ZXDC: variants seen among roughly 807,000 people sequenced by gnomAD.
ZXDC encodes the protein ZXD family zinc finger C.
ZXDC carries 58 observed loss-of-function variants against 63.6 expected under a neutral mutation model. The observed-to-expected ratio is 0.91, with a 90% confidence interval of 0.74 to 1.13. The LOEUF (loss-of-function observed/expected upper bound fraction) is 1.13. Ranked by LOEUF, ZXDC falls within the 50% of genes most tolerant of loss-of-function variation. The pLI, the probability that ZXDC is intolerant of heterozygous loss-of-function variation, is 0.00. For synonymous variants in ZXDC, 561 were observed against 496.1 expected (o/e 1.13, Z -1.74); for missense variants, 1,133 against 1,148.9 (o/e 0.99, Z 0.20).
rs201491245 is a variant in ZXDC at position 126,475,163 on chromosome 3, G to A, written c.703C>T (p.Leu235=). The change falls in exon 1 of 10, where the codon CTG becomes TTG. Residue 235 remains leucine, a synonymous_variant. Transcript: ENST00000389709. ...LKRHLQSHDK[L]RPFGCPVGGC... ...CCCACTGGACAGCCGAAGGGCCGCA[G>A]CTTGTCGTGCGACTGCAGGTGCCGC... The A allele has an allele frequency of 1.2e-6, 2 of 1,604,180 alleles. No homozygotes were observed. Among genetic ancestry groups the A allele is most frequent in the Non-Finnish European group, 1.7e-6 (2 of 1,175,450 alleles).
At chr3:126,457,645 T>A (rs1204890408) in intron 7 of ZXDC, 2 of 985,298 alleles carry the variant, frequency 2.0e-6, no homozygotes, top group Non-Finnish European at 2.4e-6. Context: ...GATTCAAACA[T>A]CATGAACTGC....
At chr3:126,460,207 T>C (rs145476584) in intron 6 of ZXDC, 1 of 915,130 alleles carries the variant, frequency 1.1e-6, no homozygotes, top group Non-Finnish European at 1.3e-6. Flanking sequence ...GTCAAAGTCT[T>C]ACACAAAAAT....
In ZXDC at chr3:126,475,233, T is replaced by C. The variant is rs812367; in HGVS notation, c.633A>G (p.Pro211=). ...TGAAGGCCCAACCACAGCCCTCCAGTGGGCACTTGAAGGGCCGCCGGCCCT... is the reference window on the plus strand; with the variant it reads ...TGAAGGCCCAACCACAGCCCTCCAGCGGGCACTTGAAGGGCCGCCGGCCCT... ...GGQGRRPFKC[P]LEGCGWAFTT... Residue 211 remains proline (P), a synonymous_variant, in exon 1 of 10, where the codon CCA becomes CCG. Coordinates refer to ENST00000389709, the MANE Select transcript of ZXDC (RefSeq NM_025112.5). 1,038,183 of 1,566,244 alleles carry C rather than the reference T, an allele frequency of 0.66. 349,885 individuals carry two copies. Among genetic ancestry groups the C allele is most frequent in the South Asian group, 0.75 (64,035 of 85,656 alleles).
intron 4 of ZXDC, among the ~76,000 whole-genome samples, chr3:126,469,499 C>T (rs1478135505): frequency 1.3e-5 from 2 of 152,172 alleles, no homozygotes; most frequent in Non-Finnish European, 2.9e-5. Flanking sequence ...CTATTGATGC[C>T]CCTTTCTCTT....
intron 5 of ZXDC, among the ~76,000 whole-genome samples, chr3:126,465,139 GAC>G (rs1415319279): frequency 6.6e-6 from 1 of 152,222 alleles, no homozygotes; most frequent in Admixed American, 6.5e-5. Context: ...CCCAGTTGGT[GAC>G]ACACACAGCC....
chr3:126,474,093 C>A (rs1165688901), intron 1 of ZXDC, among the ~76,000 whole-genome samples: 1 of 140,504 alleles, frequency 7.1e-6, no homozygotes, highest in East Asian at 2.1e-4. Context: ...GAGACGGTGT[C>A]TCGCTCTGTC....
At chr3:126,466,397 A>T in intron 4 of ZXDC, 72 bp from the exon 5 acceptor site, 1 of 1,563,604 alleles carries the variant, frequency 6.4e-7, no homozygotes, top group Non-Finnish European at 8.8e-7. Flanking sequence ...ACACTTCCCC[A>T]TCAGATCAGA....
At chr3:126,451,731 C>T (rs942942699) in intron 7 of ZXDC, 12 of 985,298 alleles carry the variant, frequency 1.2e-5, no homozygotes, top group Non-Finnish European at 1.3e-5. Flanking sequence ...ACCTTCTGCA[C>T]CATGATCTCA....
At chr3:126,456,234 G>A (rs1020087472) in intron 7 of ZXDC, among the ~76,000 whole-genome samples, 7 of 152,258 alleles carry the variant, frequency 4.6e-5, no homozygotes, top group African/African-American at 1.7e-4. Flanking sequence ...CCCTGCCAGA[G>A]AGGCCTCGCC....
intron 7 of ZXDC, chr3:126,452,413 G>A (rs1934143327): frequency 1.0e-6 from 1 of 985,380 alleles, no homozygotes; most frequent in African/African-American, 1.7e-5. Flanking sequence ...ATCGAGACAG[G>A]TGCAGGAGCC....
chr3:126,466,782 C>G (rs1934785540), intron 4 of ZXDC, among the ~76,000 whole-genome samples: 1 of 152,206 alleles, frequency 6.6e-6, no homozygotes, highest in Non-Finnish European at 1.5e-5. Flanking sequence ...CTTTCACTTT[C>G]CCACTGAGAC....
intron 1 of ZXDC, among the ~76,000 whole-genome samples, chr3:126,474,250 G>C (rs1430949520): frequency 2.6e-5 from 4 of 151,960 alleles, no homozygotes; most frequent in South Asian, 2.1e-4. Context: ...AGTTTTAATA[G>C]AGACGGGGTT....
At chr3:126,463,052 T>C (rs1286095316) in intron 5 of ZXDC, among the ~76,000 whole-genome samples, 2 of 150,180 alleles carry the variant, frequency 1.3e-5, no homozygotes, top group African/African-American at 2.4e-5. Context: ...CCAGCCCTGA[T>C]GCAGCATGTA....
At chr3:126,459,300 A>C in intron 7 of ZXDC, 2 of 985,442 alleles carry the variant, frequency 2.0e-6, no homozygotes, top group African/African-American at 3.5e-5. Context: ...CTGCCATGCC[A>C]AGATCAGGCC....
chr3:126,447,430 CCTT>C (rs1328901313), intron 7 of ZXDC, among the ~76,000 whole-genome samples: 5 of 152,140 alleles, frequency 3.3e-5, no homozygotes, highest in African/African-American at 1.2e-4. Flanking sequence ...ATCTATTGAT[CCTT>C]CTTATTTCTA....
At chr3:126,455,557 G>T in intron 7 of ZXDC, among the ~76,000 whole-genome samples, 1 of 152,170 alleles carries the variant, frequency 6.6e-6, no homozygotes. Flanking sequence ...AAGGAAGGAA[G>T]TGCTCAAAAC....
chr3:126,469,788 A>G (rs912313806), intron 4 of ZXDC, among the ~76,000 whole-genome samples: 1 of 152,040 alleles, frequency 6.6e-6, no homozygotes, highest in Non-Finnish European at 1.5e-5. Flanking sequence ...GCAGCACCCT[A>G]CATGTTACCT....
chr3:126,444,405 G>A (rs1416641888), intron 7 of ZXDC, among the ~76,000 whole-genome samples: 1 of 152,020 alleles, frequency 6.6e-6, no homozygotes, highest in Non-Finnish European at 1.5e-5. Context: ...GGTGGCGGGT[G>A]CCTGTAGTCC....
chr3:126,440,617 T>C (rs1933639570), intron 8 of ZXDC: 10 of 986,336 alleles, frequency 1.0e-5, no homozygotes, highest in Non-Finnish European at 1.2e-5. Flanking sequence ...AGTGTTTCCT[T>C]GGATGGTCCT....
Sources: allele counts gnomAD v4.1 joint callset (sites outside exome capture counted in the v4.1 genomes callset), GRCh38; gene constraint gnomAD v4.1.1; transcripts MANE v1.5; gene names NCBI Gene and HGNC (gene_info 2026-07-23, HGNC 2026-07-21).